The following DGKB variants were observed in gnomAD, a reference collection of about 807,000 sequenced individuals.
DGKB encodes 90 kDa diacylglycerol kinase.
Under a neutral mutation model 114.3 loss-of-function variants are expected in DGKB, and 67 were observed. That is an observed-to-expected ratio of 0.59 (90% CI 0.48 to 0.72). The LOEUF is 0.72. DGKB is among the 30% of genes least tolerant of loss of function. The probability of loss-of-function intolerance (pLI) is 0.00; values close to 1 mark genes in which losing one functional copy is unlikely to be tolerated. For missense variants in DGKB, 907 were observed against 975.2 expected (o/e 0.93, Z 0.93); for synonymous variants, 398 against 323.1 (o/e 1.23, Z -2.49).
At chr7:14,687,154 C>T (rs751821842) in intron 9 of DGKB, among the ~76,000 whole-genome samples, 1 of 152,162 alleles carries the variant, frequency 6.6e-6, no homozygotes, top group Admixed American at 6.5e-5. Flanking sequence ...TGAACTCAAA[C>T]GTGAAGCTCC....
chr7:14,161,172 G>A (rs1372733534), intron 25 of DGKB, among the ~76,000 whole-genome samples: 2 of 152,176 alleles, frequency 1.3e-5, no homozygotes, highest in Non-Finnish European at 2.9e-5. Context: ...AACAGATGCT[G>A]GAGAGGATAT....
chr7:14,244,669 C>CAA (rs34364672), intron 23 of DGKB, among the ~76,000 whole-genome samples: 984 of 46,128 alleles, frequency 0.021, 48 homozygotes, highest in African/African-American at 0.074. Context: ...GACTCTGTCT[C>CAA]AAAAAAAAAA....
intron 13 of DGKB, among the ~76,000 whole-genome samples, chr7:14,663,610 T>TTCCCCTCC (rs1817527550): frequency 8.6e-6 from 1 of 116,304 alleles, no homozygotes; most frequent in East Asian, 2.1e-4. Context: ...TTCTTTTCTT[T>TTCCCCTCC]TCCCTTCCTC....
At chr7:14,415,925 A>G (rs1344652945) in intron 21 of DGKB, among the ~76,000 whole-genome samples, 1 of 152,172 alleles carries the variant, frequency 6.6e-6, no homozygotes, top group Non-Finnish European at 1.5e-5. Context: ...CATCCTCTCC[A>G]GCACCTGTTG....
chr7:14,743,509 C>T (rs1245527796), intron 4 of DGKB, among the ~76,000 whole-genome samples: 1 of 152,134 alleles, frequency 6.6e-6, no homozygotes, highest in African/African-American at 2.4e-5. Flanking sequence ...GGTTGTCTTT[C>T]CTGACCCCTA....
At chr7:14,645,241 A>G (rs886192128) in intron 13 of DGKB, among the ~76,000 whole-genome samples, 2 of 152,158 alleles carry the variant, frequency 1.3e-5, no homozygotes, top group Non-Finnish European at 2.9e-5. Context: ...CAGTGACTCA[A>G]TACAATTCTA....
chr7:14,858,327 G>C (rs1423033083), intron 1 of DGKB, among the ~76,000 whole-genome samples: 1 of 152,080 alleles, frequency 6.6e-6, no homozygotes, highest in Non-Finnish European at 1.5e-5. Flanking sequence ...TTAACTGTAG[G>C]CCTTTGAAAA....
intron 20 of DGKB, among the ~76,000 whole-genome samples, chr7:14,564,736 G>A (rs571459817): frequency 1.6e-3 from 249 of 151,716 alleles, no homozygotes; most frequent in Middle Eastern, 6.9e-3. Flanking sequence ...CTATTTAGTC[G>A]GCCATTCTTT....
At chr7:14,238,553 C>T (rs1186115674) in intron 23 of DGKB, among the ~76,000 whole-genome samples, 3 of 149,326 alleles carry the variant, frequency 2.0e-5, no homozygotes, top group Non-Finnish European at 4.4e-5. Context: ...ACAAGAATAA[C>T]TTTTCTTAGA....
At chr7:14,462,076 C>T (rs1409888278) in intron 21 of DGKB, among the ~76,000 whole-genome samples, 1 of 152,124 alleles carries the variant, frequency 6.6e-6, no homozygotes, top group Non-Finnish European at 1.5e-5. Context: ...TAAAAACTCT[C>T]AATAAACTGG....
chr7:14,447,348 CT>C (rs1401139729), intron 21 of DGKB, among the ~76,000 whole-genome samples: 1 of 152,044 alleles, frequency 6.6e-6, no homozygotes, highest in Non-Finnish European at 1.5e-5. Flanking sequence ...CCTTATTCTT[CT>C]TGGTCATAGG....
intron 23 of DGKB, among the ~76,000 whole-genome samples, chr7:14,334,947 C>A (rs769200988): frequency 7.9e-5 from 12 of 152,130 alleles, no homozygotes; most frequent in Non-Finnish European, 1.8e-4. Context: ...CACATATGCA[C>A]ACAAAGAAAA....
intron 20 of DGKB, among the ~76,000 whole-genome samples, chr7:14,533,876 T>C (rs546337905): frequency 6.6e-6 from 1 of 152,000 alleles, no homozygotes; most frequent in Admixed American, 6.6e-5. Flanking sequence ...CTAAGGGAAA[T>C]CCTTATCACT....
chr7:14,676,177 AT>A (rs902747351), intron 12 of DGKB, among the ~76,000 whole-genome samples: 4 of 151,896 alleles, frequency 2.6e-5, no homozygotes, highest in South Asian at 2.1e-4. Context: ...AAAGCTACAA[AT>A]TTTTTTTCTT....
At chr7:14,497,224 C>G (rs1303221956) in intron 20 of DGKB, among the ~76,000 whole-genome samples, 1 of 151,628 alleles carries the variant, frequency 6.6e-6, no homozygotes, top group African/African-American at 2.4e-5. Context: ...TGAAAAAATG[C>G]CTATTGCATA....
chr7:14,179,507 GA>G (rs1310214737), intron 23 of DGKB, among the ~76,000 whole-genome samples: 1 of 152,154 alleles, frequency 6.6e-6, no homozygotes, highest in African/African-American at 2.4e-5. Context: ...CGGACTCATA[GA>G]AAAACAAGCA....
chr7:14,160,767 A>G (rs1044144065), intron 25 of DGKB, among the ~76,000 whole-genome samples: 1 of 152,192 alleles, frequency 6.6e-6, no homozygotes, highest in Non-Finnish European at 1.5e-5. Flanking sequence ...AGAAAAAACT[A>G]CTTTAAATTT....
intron 23 of DGKB, among the ~76,000 whole-genome samples, chr7:14,200,965 A>G (rs1027611022): frequency 3.3e-5 from 5 of 152,056 alleles, no homozygotes; most frequent in African/African-American, 4.8e-5. Context: ...TAAGCTAAGT[A>G]GAGAGGCAGT....
chr7:14,942,388 A>G (rs1025271226), intron 1 of DGKB, among the ~76,000 whole-genome samples: 1 of 151,988 alleles, frequency 6.6e-6, no homozygotes, highest in African/African-American at 2.4e-5. Flanking sequence ...TAAGAACATT[A>G]TTTCCATTCC....
Sources: gnomAD v4.1 joint callset for allele counts (sites outside exome capture counted in the v4.1 genomes callset) on GRCh38, gnomAD v4.1.1 for gene constraint, MANE v1.5 for transcripts, NCBI Gene and HGNC (gene_info 2026-07-23, HGNC 2026-07-21) for gene names.